LRIG1: variants seen among roughly 807,000 people sequenced by gnomAD.
The protein encoded by LRIG1 is leucine rich repeats and immunoglobulin like domains 1.
LRIG1 carries 48 observed loss-of-function variants against 99.2 expected under a neutral mutation model. The ratio of observed to expected loss-of-function variants is 0.48; its 90% CI spans 0.38 to 0.62. The LOEUF (loss-of-function observed/expected upper bound fraction) is 0.62, where lower values mean the gene tolerates loss of function less well. Ranked by LOEUF, LRIG1 falls within the 20% of genes least tolerant of loss-of-function variation. LRIG1 has a pLI of 0.00. For synonymous variants in LRIG1, 772 were observed against 596.1 expected (o/e 1.29, Z -4.30); for missense variants, 1,646 against 1,434.4 (o/e 1.15, Z -2.38).
chr3:66,461,474 C>G (rs1324339254), intron 2 of LRIG1, among the ~76,000 whole-genome samples: 1 of 152,078 alleles, frequency 6.6e-6, no homozygotes, highest in Non-Finnish European at 1.5e-5. Flanking sequence ...AAAGCTAAAA[C>G]AGGACATTCA....
At chr3:66,396,770 G>C (rs1465113164) in intron 11 of LRIG1, among the ~76,000 whole-genome samples, 1 of 152,216 alleles carries the variant, frequency 6.6e-6, no homozygotes, top group African/African-American at 2.4e-5. Context: ...CATCATATCT[G>C]AAAGTTTCAA....
Position 66,398,972 on chromosome 3 carries a change from G to A in LRIG1, c.1230C>T (p.His410=). The A allele has an allele frequency of 1.2e-6, 2 of 1,614,048 alleles. No individual in the cohort carries two copies. Among genetic ancestry groups the A allele is most frequent in the Non-Finnish European group, 1.7e-6 (2 of 1,179,892 alleles). ...GGCAGGGCTGGTGAGATACTCACAG[G>A]TGCTCCAGGCCTTCCAGCCCCGAGA... is the stretch of plus-strand genomic sequence containing the variant. ...RAFSGLEGLE[H]LNLGGNAIRS... Residue 410 remains histidine, a splice_region_variant and synonymous_variant, in exon 10 of 19, where the codon CAC becomes CAT. Transcript: ENST00000273261.
intron 8 of LRIG1, 66 bp from the exon 9 acceptor site, chr3:66,405,344 C>T: frequency 7.8e-7 from 1 of 1,289,564 alleles, no homozygotes; most frequent in Non-Finnish European, 1.1e-6. Flanking sequence ...AACTCTCACC[C>T]AGCCTGCTGC....
intron 3 of LRIG1, among the ~76,000 whole-genome samples, chr3:66,446,245 G>T (rs1046491217): frequency 2.6e-5 from 4 of 151,984 alleles, no homozygotes; most frequent in African/African-American, 7.2e-5. Flanking sequence ...CCCACCCAGG[G>T]CTTCGTCCAC....
intron 3 of LRIG1, among the ~76,000 whole-genome samples, chr3:66,420,257 C>T (rs1702759444): frequency 6.6e-6 from 1 of 152,150 alleles, no homozygotes; most frequent in Non-Finnish European, 1.5e-5. Context: ...TCACCTCACA[C>T]CCACTAGGAT....
intron 13 of LRIG1, among the ~76,000 whole-genome samples, chr3:66,385,178 T>C (rs554730636): frequency 1.3e-5 from 2 of 152,080 alleles, no homozygotes; most frequent in South Asian, 4.2e-4. Flanking sequence ...CAATAACACA[T>C]GGTCCCCTTG....
chr3:66,498,396 T>C (rs1701275927), intron 1 of LRIG1: 1 of 152,134 alleles, frequency 6.6e-6, no homozygotes, highest in South Asian at 2.1e-4. Context: ...GTGGATCTTG[T>C]GACCATAGGA....
At chr3:66,405,990 G>A in intron 8 of LRIG1, 1 of 992,044 alleles carries the variant, frequency 1.0e-6, no homozygotes, top group Non-Finnish European at 1.2e-6. Flanking sequence ...ATCACACCTG[G>A]AGACCAGGCC....
intron 12 of LRIG1, 39 bp downstream of exon 12, chr3:66,394,001 C>G: frequency 1.2e-6 from 2 of 1,609,258 alleles, no homozygotes; most frequent in South Asian, 2.2e-5. Context: ...CTTCCTTGTC[C>G]TTCATGAAGG....
intron 2 of LRIG1, among the ~76,000 whole-genome samples, chr3:66,457,360 T>G (rs1700252971): frequency 6.6e-6 from 1 of 152,064 alleles, no homozygotes; most frequent in South Asian, 2.1e-4. Flanking sequence ...GCCTGGGTCT[T>G]TTATCAGTGA....
In LRIG1 at chr3:66,380,470, T is replaced by C. The variant is rs1417332725; in HGVS notation, c.3075A>G (p.Leu1025=). Residue 1025 remains leucine, a synonymous_variant, in exon 19 of 19, where the codon TTA becomes TTG. Coordinates refer to ENST00000273261, the MANE Select transcript of LRIG1 (RefSeq NM_015541.3). ...LDGKGDSSWT[L]ARLYHPDSTE... ...TGGAGTCCGGGTGATACAACCTTGC[T>C]AAAGTCCAGGAAGAATCCCCTACAA... 2 of 1,614,040 alleles carry C rather than the reference T, an allele frequency of 1.2e-6. No individual in the cohort carries two copies. The highest frequency in any genetic ancestry group is 8.5e-7 in the Non-Finnish European group (1 of 1,180,040).
intron 2 of LRIG1, among the ~76,000 whole-genome samples, chr3:66,454,947 T>C (rs934648543): frequency 1.3e-5 from 2 of 152,216 alleles, no homozygotes; most frequent in African/African-American, 2.4e-5. Flanking sequence ...GAAATTGTGC[T>C]TGTCTTTTTT....
intron 1 of LRIG1, among the ~76,000 whole-genome samples, chr3:66,472,756 C>T (rs1269385786): frequency 6.6e-6 from 1 of 152,106 alleles, no homozygotes; most frequent in Non-Finnish European, 1.5e-5. Context: ...ATATTACTTC[C>T]TCTGGGTGCG....
intron 1 of LRIG1, among the ~76,000 whole-genome samples, chr3:66,478,231 A>G (rs1465724278): frequency 6.6e-6 from 1 of 152,234 alleles, no homozygotes; most frequent in East Asian, 1.9e-4. Context: ...CTTTTAATAC[A>G]CAACTAATTT....
At chr3:66,395,130 A>G (rs1218141207) in intron 11 of LRIG1, among the ~76,000 whole-genome samples, 3 of 152,228 alleles carry the variant, frequency 2.0e-5, no homozygotes, top group Non-Finnish European at 2.9e-5. Context: ...TGTGAGCTAA[A>G]GAATGATGGC....
intron 1 of LRIG1, among the ~76,000 whole-genome samples, chr3:66,465,683 A>C (rs13079548): frequency 0.1 from 15,434 of 152,028 alleles, 1,286 homozygotes; most frequent in Admixed American, 0.23. Flanking sequence ...AATTTTTTTA[A>C]TGTGGTAAAA....
chr3:66,473,053 T>C (rs1335314299), intron 1 of LRIG1, among the ~76,000 whole-genome samples: 2 of 152,308 alleles, frequency 1.3e-5, no homozygotes, highest in South Asian at 2.1e-4. Flanking sequence ...TAGGGGTTTT[T>C]GTTGTTTTTT....
In LRIG1 at chr3:66,411,118, G is replaced by T. The variant is rs185763663; in HGVS notation, c.792-846C>A. 2.2e-4 allele frequency among the ~76,000 whole-genome samples: 33 copies of T among 152,308 alleles called. 2 individuals carry two copies. The highest frequency in any genetic ancestry group is 2.0e-3 in the Admixed American group (31 of 15,306). On this transcript the variant is annotated intron_variant, in intron 6 of 18. Coordinates refer to ENST00000273261, the MANE Select transcript of LRIG1 (RefSeq NM_015541.3). The stretch of plus-strand genomic sequence containing the variant: ...GGATTCAGTGCAGCTCTAGGCCTGA[G>T]CTCTCAGGCCCACCGTGTAAGTGTG...
chr3:66,413,252 C>T (rs1702526362), intron 5 of LRIG1, among the ~76,000 whole-genome samples: 1 of 152,204 alleles, frequency 6.6e-6, no homozygotes, highest in South Asian at 2.1e-4. Flanking sequence ...CAGCTCTCCA[C>T]AGCCAGCTCC....
Sources: allele counts gnomAD v4.1 joint callset (sites outside exome capture counted in the v4.1 genomes callset), GRCh38; gene constraint gnomAD v4.1.1; transcripts MANE v1.5; gene names NCBI Gene and HGNC (gene_info 2026-07-23, HGNC 2026-07-21).